The following PRKN variants were observed in gnomAD, a reference collection of about 807,000 sequenced individuals.
PRKN encodes E3 ubiquitin-protein ligase parkin.
PRKN carries 56 observed loss-of-function variants against 59.5 expected under a neutral mutation model. The ratio of observed to expected loss-of-function variants is 0.94; its 90% confidence interval spans 0.76 to 1.18. PRKN has a LOEUF of 1.18. Ranked by LOEUF, PRKN falls within the 50% of genes most tolerant of loss-of-function variation. The probability of loss-of-function intolerance (pLI) is 0.00; values close to 1 mark genes in which losing one functional copy is unlikely to be tolerated. For missense variants in PRKN, 657 were observed against 596.4 expected (o/e 1.10, Z -1.06); for synonymous variants, 250 against 222.1 (o/e 1.13, Z -1.12).
intron 7 of PRKN, among the ~76,000 whole-genome samples, chr6:161,585,727 G>A (rs370912155): frequency 0.01 from 1,546 of 152,248 alleles, 11 homozygotes; most frequent in Non-Finnish European, 0.015. Context: ...CTCTTCCCTA[G>A]CAGTCCTGAA....
intron 4 of PRKN, among the ~76,000 whole-genome samples, chr6:162,183,166 G>A (rs1420308689): frequency 6.6e-6 from 1 of 152,148 alleles, no homozygotes; most frequent in African/African-American, 2.4e-5. Context: ...ATGTCGGGAG[G>A]CCCAATGTGT....
Position 161,359,358 on chromosome 6 carries a change from G to A in PRKN, c.1285+730C>T, listed in dbSNP as rs193078329. On this transcript the variant is annotated intron_variant, in intron 11 of 11. Coordinates refer to ENST00000366898, the MANE Select transcript of PRKN (RefSeq NM_004562.3). This position sits in a 1 kb window ranked among gnomAD's most constrained non-coding sequence, Gnocchi z 5.4. ...CTTGAGTGCCCATCCTGGGATGGCC[G>A]GGCTTCCCTCCCGCAAGTCAGCTCT... 2.6e-4 allele frequency among the ~76,000 whole-genome samples: 39 copies of A among 152,270 alleles called. No individual in the cohort carries two copies. The highest frequency in any genetic ancestry group is 8.7e-4 in the African/African-American group (36 of 41,548).
intron 1 of PRKN, among the ~76,000 whole-genome samples, chr6:162,702,964 T>A (rs906488193): frequency 6.6e-6 from 1 of 152,174 alleles, no homozygotes; most frequent in African/African-American, 2.4e-5. Flanking sequence ...TAAAGTTATT[T>A]AGGCAAAAAA....
chr6:162,222,537 C>T (rs1777981665), intron 3 of PRKN, among the ~76,000 whole-genome samples: 1 of 152,146 alleles, frequency 6.6e-6, no homozygotes, highest in African/African-American at 2.4e-5. Flanking sequence ...AGTCCTACAA[C>T]TTCAGGGAAT....
chr6:162,666,802 G>A (rs938113261), intron 1 of PRKN, among the ~76,000 whole-genome samples: 1 of 151,924 alleles, frequency 6.6e-6, no homozygotes, highest in Non-Finnish European at 1.5e-5. Context: ...AGCTACCTTG[G>A]TATCTATAAC....
intron 6 of PRKN, among the ~76,000 whole-genome samples, chr6:161,848,947 A>G (rs931006114): frequency 1.3e-5 from 2 of 152,204 alleles, no homozygotes; most frequent in African/African-American, 4.8e-5. Flanking sequence ...CTTGGTGACT[A>G]CGGATATTTT....
Position 161,635,007 on chromosome 6 carries a change from C to T in PRKN, c.872-65591G>A, listed in dbSNP as rs138150241. On this transcript the variant is annotated intron_variant, in intron 7 of 11. Coordinates refer to ENST00000366898, the MANE Select transcript of PRKN (RefSeq NM_004562.3). The stretch of plus-strand genomic sequence containing the variant: ...GGACAGTGATGTTGAAGCGGGCAGA[C>T]GGTGAGGCCGATGCTCCTTCCTCAG... Among the ~76,000 whole-genome samples the T allele has an allele frequency of 1.6e-4, 24 of 152,198 alleles. 1 individual carries two copies. The highest frequency in any genetic ancestry group is 3.9e-4 in the African/African-American group (16 of 41,526).
Position 161,964,282 on chromosome 6 carries a change from A to G in PRKN, c.734+9020T>C, listed in dbSNP as rs145741618. 2.0e-5 allele frequency among the ~76,000 whole-genome samples: 3 copies of G among 152,166 alleles called. No individual in the cohort carries two copies. The East Asian group carries it at 5.8e-4, about 29-fold the overall frequency. On this transcript the variant is annotated intron_variant, in intron 6 of 11. Transcript: ENST00000366898. ...CTAATTATTTTAAATCAATGTAGCT[A>G]AAAAATTACAGGTCATTAAGCACTG...
Position 162,420,733 on chromosome 6 carries a change from CAT to C in PRKN, c.171+22575_171+22576del, listed in dbSNP as rs556762888. Among the ~76,000 whole-genome samples, 383 of 152,174 alleles carry C rather than the reference CAT, an allele frequency of 2.5e-3. 2 individuals carry two copies. Among genetic ancestry groups the C allele is most frequent in the African/African-American group, 8.5e-3 (352 of 41,502 alleles). On this transcript the variant is annotated intron_variant, in intron 2 of 11. Coordinates refer to ENST00000366898, the MANE Select transcript of PRKN (RefSeq NM_004562.3). ...TAGCTATGACTCTGTAGCTCAGAGACATAAAAAGTGTAAGAAGCAAAATTATT... is the reference window on the plus strand; with the variant it reads ...TAGCTATGACTCTGTAGCTCAGAGACAAAAAGTGTAAGAAGCAAAATTATT...
intron 2 of PRKN, among the ~76,000 whole-genome samples, chr6:162,301,988 A>G (rs1020881395): frequency 4.6e-5 from 7 of 152,076 alleles, no homozygotes; most frequent in Non-Finnish European, 8.8e-5. Flanking sequence ...AACCAAACTC[A>G]TTGGCATCCT....
chr6:161,874,309 T>A (rs187980088), intron 6 of PRKN, among the ~76,000 whole-genome samples: 6 of 52,120 alleles, frequency 1.2e-4, no homozygotes, highest in East Asian at 1.2e-3. Context: ...TGTAAAATAT[T>A]ATATATAAAA....
chr6:161,858,991 T>C (rs548647573), intron 6 of PRKN, among the ~76,000 whole-genome samples: 1 of 149,514 alleles, frequency 6.7e-6, no homozygotes, highest in Non-Finnish European at 1.5e-5. Flanking sequence ...TGCCTCGGCC[T>C]CCCGAGTAGC....
intron 7 of PRKN, among the ~76,000 whole-genome samples, chr6:161,757,590 C>G (rs921945710): frequency 6.6e-6 from 1 of 152,026 alleles, no homozygotes. Flanking sequence ...GTAATCCCAG[C>G]ACTTTGGGAG....
At chr6:162,508,575 A>G (rs76266707) in intron 1 of PRKN, among the ~76,000 whole-genome samples, 3,767 of 152,270 alleles carry the variant, frequency 0.025, 150 homozygotes, top group African/African-American at 0.086. Flanking sequence ...TCTGAGAGGC[A>G]TCCCACATAA....
At chr6:162,205,748 A>G (rs1187477896) in intron 3 of PRKN, among the ~76,000 whole-genome samples, 1 of 131,146 alleles carries the variant, frequency 7.6e-6, no homozygotes, top group Non-Finnish European at 1.8e-5. Context: ...ACACACACAG[A>G]CACACACACA....
chr6:161,645,633 G>C (rs891117300), intron 7 of PRKN, among the ~76,000 whole-genome samples: 1 of 152,214 alleles, frequency 6.6e-6, no homozygotes, highest in Non-Finnish European at 1.5e-5. Flanking sequence ...TATTATGTTA[G>C]ATGGATGTTA....
intron 7 of PRKN, among the ~76,000 whole-genome samples, chr6:161,782,462 T>G (rs1469016883): frequency 1.3e-5 from 2 of 152,172 alleles, no homozygotes; most frequent in East Asian, 3.9e-4. Context: ...TTATTTACCT[T>G]TATTTATTTA....
chr6:162,536,889 C>T (rs1778743136), intron 1 of PRKN, among the ~76,000 whole-genome samples: 1 of 152,092 alleles, frequency 6.6e-6, no homozygotes, highest in South Asian at 2.1e-4. Flanking sequence ...TTCTCCAAAT[C>T]ACATGTAACA....
intron 2 of PRKN, among the ~76,000 whole-genome samples, chr6:162,374,303 G>A (rs1479120405): frequency 6.6e-6 from 1 of 151,962 alleles, no homozygotes; most frequent in Non-Finnish European, 1.5e-5. Context: ...AAGGACTTTA[G>A]GTTACTTTTC....
Sources: allele counts gnomAD v4.1 joint callset (sites outside exome capture counted in the v4.1 genomes callset), GRCh38; gene constraint gnomAD v4.1.1; non-coding constraint Gnocchi (gnomAD v3.1); transcripts MANE v1.5; gene names NCBI Gene and HGNC (gene_info 2026-07-23, HGNC 2026-07-21).